Variants in CDH18 observed in about 807,000 individuals in gnomAD.
CDH18 encodes the protein cadherin 18, also known as cadherin-18.
A neutral mutation model predicts 67.9 loss-of-function variants in CDH18; 31 were observed. The observed-to-expected ratio is 0.46, with a 90% CI of 0.34 to 0.62. The LOEUF (loss-of-function observed/expected upper bound fraction) is 0.62, where lower values mean the gene tolerates loss of function less well. CDH18 is among the 20% of genes least tolerant of loss of function. CDH18 has a pLI of 0.01. For synonymous variants in CDH18, 362 were observed against 347.2 expected (o/e 1.04, Z -0.48); for missense variants, 890 against 975.5 (o/e 0.91, Z 1.17).
chr5:19,705,629 G>T (rs950304013), intron 5 of CDH18, among the ~76,000 whole-genome samples: 4 of 152,260 alleles, frequency 2.6e-5, no homozygotes, highest in Admixed American at 2.6e-4. Flanking sequence ...TATTGTTCAA[G>T]AGCAGGATCT....
chr5:20,537,841 T>C (rs1756815495), intron 1 of CDH18, among the ~76,000 whole-genome samples: 1 of 152,208 alleles, frequency 6.6e-6, no homozygotes, highest in Non-Finnish European at 1.5e-5. Flanking sequence ...TCCTCTGTGT[T>C]ATCAAAACCT....
At chr5:19,584,668 C>A (rs746570426) in intron 7 of CDH18, among the ~76,000 whole-genome samples, 1 of 151,214 alleles carries the variant, frequency 6.6e-6, no homozygotes, top group Non-Finnish European at 1.5e-5. Context: ...TCAAGGGAGG[C>A]CAGATGCAGT....
intron 1 of CDH18, among the ~76,000 whole-genome samples, chr5:20,279,955 T>A (rs1746118169): frequency 1.3e-5 from 2 of 151,874 alleles, no homozygotes; most frequent in Non-Finnish European, 2.9e-5. Context: ...CTCTCAAGTA[T>A]AGTCCACGTT....
rs190040764 is a variant in CDH18, at chr5:20,185,672, T to C, written c.-518+69772A>G. Among the ~76,000 whole-genome samples the C allele has an allele frequency of 3.1e-3, 469 of 152,204 alleles. 3 individuals are homozygous for C. The highest frequency in any genetic ancestry group is 1.7e-3 in the Non-Finnish European group (118 of 67,986). On this transcript the variant is annotated intron_variant, in intron 2 of 14. Coordinates refer to the CDH18 transcript ENST00000507958. ...AACTTCCTTAAGGTCTCTGCTTAAATATTACTCCATCTAAGAAGATACCTC... is the reference window on the plus strand; with the variant it reads ...AACTTCCTTAAGGTCTCTGCTTAAACATTACTCCATCTAAGAAGATACCTC...
At chr5:20,144,706 G>C (rs1432145404) in intron 2 of CDH18, among the ~76,000 whole-genome samples, 1 of 152,076 alleles carries the variant, frequency 6.6e-6, no homozygotes, top group Non-Finnish European at 1.5e-5. Context: ...ATTCTGTCCC[G>C]CAAAAATGTA....
chr5:19,848,174 C>T (rs1242505416), intron 2 of CDH18: 1 of 152,134 alleles, frequency 6.6e-6, no homozygotes. Flanking sequence ...TCTCATGAGC[C>T]ATTAGGCATG....
chr5:20,057,324 A>G (rs1291152100), intron 2 of CDH18, among the ~76,000 whole-genome samples: 1 of 152,148 alleles, frequency 6.6e-6, no homozygotes, highest in African/African-American at 2.4e-5. Flanking sequence ...TCATATCCTG[A>G]ATCTTTTTTT....
intron 5 of CDH18, among the ~76,000 whole-genome samples, chr5:19,652,133 C>T (rs1216402730): frequency 1.3e-5 from 2 of 151,326 alleles, no homozygotes; most frequent in South Asian, 2.1e-4. Flanking sequence ...AAATTTTTTT[C>T]TTTTTAATAT....
At chr5:20,434,301 G>A (rs1311459160) in intron 1 of CDH18, among the ~76,000 whole-genome samples, 1 of 152,076 alleles carries the variant, frequency 6.6e-6, no homozygotes, top group African/African-American at 2.4e-5. Context: ...AGGTGACACA[G>A]CTGTATGAGA....
At chr5:20,262,683 G>T (rs971748424) in intron 1 of CDH18, among the ~76,000 whole-genome samples, 9 of 152,144 alleles carry the variant, frequency 5.9e-5, no homozygotes, top group Middle Eastern at 3.4e-3. Flanking sequence ...AGAAATGCTG[G>T]TGGGTAAAAA....
intron 1 of CDH18, among the ~76,000 whole-genome samples, chr5:20,424,665 T>C (rs773721187): frequency 1.6e-4 from 23 of 143,848 alleles, no homozygotes; most frequent in Non-Finnish European, 2.8e-4. Flanking sequence ...AAGAATCTCT[T>C]GATCCTGGGA....
At chr5:19,538,050 G>T (rs144879575) in intron 9 of CDH18, among the ~76,000 whole-genome samples, 1 of 152,266 alleles carries the variant, frequency 6.6e-6, no homozygotes, top group East Asian at 1.9e-4. Flanking sequence ...AGTCACTGAT[G>T]CCTTATTTGT....
rs191747412 is a variant in CDH18, at chr5:19,916,924, C to A, written c.-257+64136G>T. Among the ~76,000 whole-genome samples, 13 of 152,244 alleles carry A rather than the reference C, an allele frequency of 8.5e-5. No homozygotes were observed. The East Asian group carries it at 2.5e-3, about 29-fold the overall frequency. On this transcript the variant is annotated intron_variant, in intron 2 of 12. Transcript: ENST00000382275. ...GAGCTGTGGAACATGCCCCATTAAT[C>A]AAGATGTCACTGATTTTATAAGCAT...
chr5:20,415,337 A>T (rs1330339102), intron 1 of CDH18, among the ~76,000 whole-genome samples: 2 of 150,606 alleles, frequency 1.3e-5, no homozygotes, highest in Non-Finnish European at 3.0e-5. Context: ...CAGTGAGCAG[A>T]GATCACACCA....
chr5:19,666,510 C>T (rs1757980589), intron 5 of CDH18, among the ~76,000 whole-genome samples: 1 of 151,784 alleles, frequency 6.6e-6, no homozygotes, highest in African/African-American at 2.4e-5. Context: ...TATTACACCA[C>T]GAGCCAATGA....
intron 3 of CDH18, among the ~76,000 whole-genome samples, chr5:19,756,057 C>T (rs943957536): frequency 2.1e-4 from 32 of 152,132 alleles, no homozygotes; most frequent in African/African-American, 7.2e-4. Flanking sequence ...ACACACATCT[C>T]CTGAGATCAT....
At chr5:20,121,911 A>C (rs539083789) in intron 2 of CDH18, among the ~76,000 whole-genome samples, 1 of 152,218 alleles carries the variant, frequency 6.6e-6, no homozygotes, top group Non-Finnish European at 1.5e-5. Flanking sequence ...TGTTAAGGTC[A>C]CCACTATCAT....
intron 5 of CDH18, among the ~76,000 whole-genome samples, chr5:19,719,359 A>T (rs1381671188): frequency 6.6e-6 from 1 of 151,990 alleles, no homozygotes; most frequent in African/African-American, 2.4e-5. Context: ...GTATATTTCT[A>T]AAAAAGGCAG....
intron 9 of CDH18, among the ~76,000 whole-genome samples, chr5:19,530,508 GT>G (rs1215915762): frequency 2.6e-5 from 4 of 152,116 alleles, no homozygotes; most frequent in Non-Finnish European, 2.9e-5. Flanking sequence ...ATGTATACAT[GT>G]GCCATGTTGG....
Sources: allele counts gnomAD v4.1 joint callset (sites outside exome capture counted in the v4.1 genomes callset), GRCh38; gene constraint gnomAD v4.1.1; transcripts MANE v1.5; gene names NCBI Gene and HGNC (gene_info 2026-07-23, HGNC 2026-07-21).